Variants in TMPRSS11F observed in about 807,000 individuals in gnomAD.
TMPRSS11F encodes the protein transmembrane protease serine 11F.
TMPRSS11F carries 47 observed loss-of-function variants against 60.2 expected under a neutral mutation model. The ratio of observed to expected loss-of-function variants is 0.78; its 90% CI spans 0.62 to 1.00. The LOEUF (loss-of-function observed/expected upper bound fraction) is 1.00, where lower values mean the gene tolerates loss of function less well. Ranked by LOEUF, TMPRSS11F falls within the 50% of genes least tolerant of loss-of-function variation. TMPRSS11F has a pLI of 0.00. For missense variants in TMPRSS11F, 519 were observed against 522.9 expected, an observed-to-expected ratio of 0.99 and a Z score of 0.07; for synonymous variants, 166 against 167.3, an observed-to-expected ratio of 0.99 and a Z score of 0.06.
chr4:68,104,213 C>T (rs1724253954), intron 1 of TMPRSS11F, among the ~76,000 whole-genome samples: 1 of 152,120 alleles, frequency 6.6e-6, no homozygotes, highest in Non-Finnish European at 1.5e-5. Flanking sequence ...TTGCTTTTTA[C>T]AGATGTTGGT....
intron 3 of TMPRSS11F, among the ~76,000 whole-genome samples, chr4:68,078,073 C>A (rs1181039850): frequency 1.3e-5 from 2 of 152,128 alleles, no homozygotes; most frequent in Admixed American, 6.5e-5. Context: ...CACAGCCCTC[C>A]CAGGAAGCGG....
chr4:68,053,794 G>T lies in TMPRSS11F; in HGVS notation c.*115C>A, dbSNP rs746350505. 1.5e-4 allele frequency: 164 copies of T among 1,070,874 alleles called. No homozygotes were observed. The highest frequency in any genetic ancestry group is 9.4e-5 in the Admixed American group (4 of 42,414). The allele number at this position is 1,070,874 out of a possible 1,614,324, so 66.3% of individuals were successfully genotyped here. ...GATATTAGATTTGTCTGGGTCTGAA[G>T]GGCTTCTTGACATCTAGCAAAAGCA... On this transcript the variant is annotated 3_prime_UTR_variant, in exon 10 of 10. Coordinates refer to ENST00000356291, the MANE Select transcript of TMPRSS11F (RefSeq NM_207407.2).
chr4:68,095,895 C>A (rs80210105), intron 2 of TMPRSS11F, among the ~76,000 whole-genome samples: 102 of 83,524 alleles, frequency 1.2e-3, no homozygotes, highest in Middle Eastern at 0.011. Flanking sequence ...GATTCCATCT[C>A]AAAAAAAAAA....
intron 9 of TMPRSS11F, among the ~76,000 whole-genome samples, chr4:68,057,778 T>C (rs1723077001): frequency 6.6e-6 from 1 of 152,126 alleles, no homozygotes; most frequent in Non-Finnish European, 1.5e-5. Flanking sequence ...TTACAAATCA[T>C]TAGGGAAATG....
At chr4:68,060,836 T>G (rs1723156423) in intron 8 of TMPRSS11F, among the ~76,000 whole-genome samples, 1 of 151,962 alleles carries the variant, frequency 6.6e-6, no homozygotes, top group African/African-American at 2.4e-5. Context: ...CTTTTTGGAT[T>G]TCTTTTAAGG....
chr4:68,106,598 C>T (rs535673121), intron 1 of TMPRSS11F, among the ~76,000 whole-genome samples: 19 of 152,024 alleles, frequency 1.2e-4, no homozygotes, highest in East Asian at 7.7e-4. Flanking sequence ...TGGGAAACTG[C>T]GGGGGGAGGG....
intron 1 of TMPRSS11F, among the ~76,000 whole-genome samples, chr4:68,116,782 A>G (rs1393518501): frequency 2.6e-5 from 4 of 152,226 alleles, no homozygotes; most frequent in Non-Finnish European, 5.9e-5. Context: ...GGGAAACTAA[A>G]CATCCACATG....
intron 1 of TMPRSS11F, among the ~76,000 whole-genome samples, chr4:68,113,005 T>C (rs1724438624): frequency 6.6e-6 from 1 of 152,192 alleles, no homozygotes. Flanking sequence ...ATTGACCTAG[T>C]TGACATTTAT....
At chr4:68,057,637 T>G (rs1460629522) in intron 9 of TMPRSS11F, among the ~76,000 whole-genome samples, 1 of 152,052 alleles carries the variant, frequency 6.6e-6, no homozygotes, top group Non-Finnish European at 1.5e-5. Flanking sequence ...CCAAAATATA[T>G]AAAGAAGTTA....
At chr4:68,066,581 T>A (rs1723332946) in intron 7 of TMPRSS11F, among the ~76,000 whole-genome samples, 1 of 152,188 alleles carries the variant, frequency 6.6e-6, no homozygotes, top group African/African-American at 2.4e-5. Context: ...GACATAAAGG[T>A]TTTAAGGTTT....
intron 8 of TMPRSS11F, among the ~76,000 whole-genome samples, chr4:68,063,622 G>T (rs1377458203): frequency 1.3e-5 from 2 of 151,880 alleles, no homozygotes; most frequent in Non-Finnish European, 2.9e-5. Context: ...CTCATGATCC[G>T]CCCGACTCGG....
intron 3 of TMPRSS11F, among the ~76,000 whole-genome samples, chr4:68,082,300 C>G (rs1445655811): frequency 6.6e-6 from 1 of 152,130 alleles, no homozygotes; most frequent in East Asian, 1.9e-4. Context: ...GGATCTGCCT[C>G]GAGAGTAGGC....
At chr4:68,125,481 T>C (rs927310033) in intron 1 of TMPRSS11F, among the ~76,000 whole-genome samples, 7 of 152,128 alleles carry the variant, frequency 4.6e-5, no homozygotes, top group African/African-American at 1.4e-4. Flanking sequence ...GAATCTGAAA[T>C]AGTAAATGCA....
At chr4:68,107,989 T>C (rs893886041) in intron 1 of TMPRSS11F, among the ~76,000 whole-genome samples, 2 of 152,160 alleles carry the variant, frequency 1.3e-5, no homozygotes, top group Non-Finnish European at 2.9e-5. Context: ...ATGGGACTGA[T>C]CTTTTCAAAA....
At chr4:68,111,050 T>C (rs1050331343) in intron 1 of TMPRSS11F, among the ~76,000 whole-genome samples, 3 of 152,168 alleles carry the variant, frequency 2.0e-5, no homozygotes, top group Non-Finnish European at 4.4e-5. Flanking sequence ...TAGGCTGAAG[T>C]CCACCAATTA....
rs756304236 is a variant in TMPRSS11F at position 68,068,668 on chromosome 4, G to T, written c.705C>A (p.Ala235=). 12 of 1,614,066 alleles carry T rather than the reference G, an allele frequency of 7.4e-6. No homozygotes were observed. The highest frequency in any genetic ancestry group is 1.0e-5 in the Non-Finnish European group (12 of 1,180,032). ...QLIGSGHQCG[A]SLISNTWLLT... Reference sequence around the variant, plus strand: ...GCAGCCATGTGTTACTGATGAGGCTGGCTCCACACTGATGGCCTGACCCTA... The same window carrying T: ...GCAGCCATGTGTTACTGATGAGGCTTGCTCCACACTGATGGCCTGACCCTA... Residue 235 remains alanine (A), a synonymous_variant, in exon 7 of 10, where the codon GCC becomes GCA. Coordinates refer to ENST00000356291, the MANE Select transcript of TMPRSS11F (RefSeq NM_207407.2).
chr4:68,111,481 A>G (rs560645153), intron 1 of TMPRSS11F, among the ~76,000 whole-genome samples: 2 of 152,292 alleles, frequency 1.3e-5, no homozygotes, highest in South Asian at 4.1e-4. Context: ...AAATGGTGAT[A>G]ATGGCCCTAA....
chr4:68,063,509 T>G lies in TMPRSS11F; in HGVS notation c.1015+1176A>C, dbSNP rs545101788. 5.8e-4 allele frequency among the ~76,000 whole-genome samples: 89 copies of G among 152,262 alleles called. No individual in the cohort carries two copies. In the Middle Eastern group the frequency reaches 0.017, roughly 29 times the overall value. On this transcript the variant is annotated intron_variant, in intron 8 of 9. Transcript: ENST00000356291. ...CTCCTGCCTCAGCCTCCCAAGTAGCTGGGACTACAGGCCTGCACCACCATG... is the reference window on the plus strand; with the variant it reads ...CTCCTGCCTCAGCCTCCCAAGTAGCGGGGACTACAGGCCTGCACCACCATG...
At chr4:68,089,315 C>G (rs1723879387) in intron 3 of TMPRSS11F, among the ~76,000 whole-genome samples, 1 of 152,198 alleles carries the variant, frequency 6.6e-6, no homozygotes, top group East Asian at 1.9e-4. Flanking sequence ...TCAATGAAAA[C>G]AGGGATGCAA....
Sources: allele counts gnomAD v4.1 joint callset (sites outside exome capture counted in the v4.1 genomes callset), GRCh38; gene constraint gnomAD v4.1.1; transcripts MANE v1.5; gene names NCBI Gene and HGNC (gene_info 2026-07-23, HGNC 2026-07-21).